RSF1: variants seen among roughly 807,000 people sequenced by gnomAD.
RSF1 encodes the protein HBV pX-associated protein 8.
Under a neutral mutation model 145.2 loss-of-function variants are expected in RSF1, and 13 were observed. The ratio of observed to expected loss-of-function variants is 0.09; its 90% CI spans 0.06 to 0.14. The LOEUF is 0.14. RSF1 is among the 10% of genes least tolerant of loss of function. RSF1 has a pLI of 1.00. For synonymous variants in RSF1, 577 were observed against 592.6 expected, an observed-to-expected ratio of 0.97 and a Z score of 0.38; for missense variants, 1,517 against 1,718.2, an observed-to-expected ratio of 0.88 and a Z score of 2.07.
chr11:77,791,592 C>T (rs767948549), intron 1 of RSF1, among the ~76,000 whole-genome samples: 19 of 152,094 alleles, frequency 1.2e-4, no homozygotes, highest in Non-Finnish European at 5.9e-5. Flanking sequence ...TTAATAGCAC[C>T]CAAGTTACAT....
chr11:77,819,024 T>G (rs1233069352), intron 1 of RSF1, among the ~76,000 whole-genome samples: 1 of 152,230 alleles, frequency 6.6e-6, no homozygotes, highest in Non-Finnish European at 1.5e-5. Flanking sequence ...CTGTATTAAT[T>G]TGAGTCTTCG....
chr11:77,749,984 C>T (rs183789546), intron 2 of RSF1, among the ~76,000 whole-genome samples: 10 of 152,104 alleles, frequency 6.6e-5, no homozygotes, highest in East Asian at 1.9e-4. Flanking sequence ...CCTGACCTTG[C>T]GATTCGCCTG....
rs1423228639 is a variant in RSF1, at chr11:77,664,059, G to A, written c.*2858C>T. 2 of 152,138 alleles carry A rather than the reference G, an allele frequency of 1.3e-5. No homozygotes were observed. The highest frequency in any genetic ancestry group is 1.3e-4 in the Admixed American group (2 of 15,252). 9.4% of individuals were successfully genotyped at this position (152,138 alleles called of 1,614,324 possible). On this transcript the variant is annotated 3_prime_UTR_variant, in exon 16 of 16. Coordinates refer to ENST00000308488, the MANE Select transcript of RSF1 (RefSeq NM_016578.4). ...TTTCCTATACTTTCTGCAGTTCGTA[G>A]TGACTGTATTGTCTTTGTATACAGA...
At chr11:77,800,815 T>C (rs900393870) in intron 1 of RSF1, among the ~76,000 whole-genome samples, 16 of 152,296 alleles carry the variant, frequency 1.1e-4, no homozygotes, top group African/African-American at 2.2e-4. Flanking sequence ...GGAGGTATGA[T>C]TGCACCACTG....
the RSF1 span, chr11:77,868,704 T>G: frequency 4.8e-6 from 1 of 207,560 alleles, no homozygotes; most frequent in African/African-American, 2.4e-5. Flanking sequence ...TGTTGTTTTT[T>G]AACACAAATT....
chr11:77,785,660 A>G (rs1358646306), intron 1 of RSF1, among the ~76,000 whole-genome samples: 2 of 152,028 alleles, frequency 1.3e-5, no homozygotes, highest in Non-Finnish European at 2.9e-5. Context: ...AATTTTTAAA[A>G]GAGCAAATTG....
rs369103879 is a variant in RSF1, at chr11:77,750,451, C to G, written c.280-3323G>C. 4.4e-4 allele frequency among the ~76,000 whole-genome samples: 67 copies of G among 152,322 alleles called. 1 individual carries two copies. The South Asian group carries it at 0.013, about 30-fold the overall frequency. On this transcript the variant is annotated intron_variant, in intron 2 of 15. Transcript: ENST00000308488. ...AAATTTGAATTTCATAGAATTTTTA[C>G]ATGTCACCAAATATTATTCTTCTTT...
chr11:77,755,966 G>T (rs1206745212), intron 2 of RSF1, among the ~76,000 whole-genome samples: 1 of 152,092 alleles, frequency 6.6e-6, no homozygotes, highest in African/African-American at 2.4e-5. Context: ...AAACAAACAT[G>T]ATGAGTATAT....
At chr11:77,861,933 C>T in the RSF1 span, among the ~76,000 whole-genome samples, 2 of 152,154 alleles carry the variant, frequency 1.3e-5, no homozygotes, top group Non-Finnish European at 2.9e-5. Flanking sequence ...TAAACCTATC[C>T]TTTAAGATTA....
upstream of RSF1, among the ~76,000 whole-genome samples, chr11:77,823,267 T>C (rs1037040303): frequency 2.0e-5 from 3 of 151,168 alleles, no homozygotes; most frequent in South Asian, 4.2e-4. Context: ...AAAATATCTT[T>C]ATGGTTATGA....
chr11:77,663,434 C>T lies in RSF1; in HGVS notation c.*3483G>A, dbSNP rs1757549162. On this transcript the variant is annotated 3_prime_UTR_variant, in exon 16 of 16. Coordinates refer to ENST00000308488, the MANE Select transcript of RSF1 (RefSeq NM_016578.4). ...AGTAAAAACTGGGTACGTGTAACACCCTTTTAAAATTAATTTGTTTAAAAA... is the reference window on the plus strand; with the variant it reads ...AGTAAAAACTGGGTACGTGTAACACTCTTTTAAAATTAATTTGTTTAAAAA... The T allele has an allele frequency of 6.6e-6, 1 of 151,904 alleles. No individual in the cohort carries two copies. Among genetic ancestry groups the T allele is most frequent in the Non-Finnish European group, 1.5e-5 (1 of 67,972 alleles). The allele number at this position is 151,904 out of a possible 1,614,324, so 9.4% of individuals were successfully genotyped here.
intron 3 of RSF1, among the ~76,000 whole-genome samples, chr11:77,741,642 A>C (rs1947940296): frequency 6.6e-6 from 1 of 152,182 alleles, no homozygotes; most frequent in Non-Finnish European, 1.5e-5. Context: ...ATATGTGTAT[A>C]GTGTGGAATG....
chr11:77,804,413 G>A (rs950215817), intron 1 of RSF1, among the ~76,000 whole-genome samples: 3 of 152,186 alleles, frequency 2.0e-5, no homozygotes, highest in Non-Finnish European at 2.9e-5. Context: ...CATGTGAAAT[G>A]GGGACAGTCT....
chr11:77,724,814 G>T (rs1326378901), intron 5 of RSF1, among the ~76,000 whole-genome samples: 4 of 152,142 alleles, frequency 2.6e-5, no homozygotes, highest in Admixed American at 2.6e-4. Context: ...GGTGGAGCTT[G>T]GGCGGTAATG....
At chr11:77,742,238 C>T (rs1228618980) in intron 3 of RSF1, among the ~76,000 whole-genome samples, 2 of 152,102 alleles carry the variant, frequency 1.3e-5, no homozygotes, top group Non-Finnish European at 2.9e-5. Context: ...TCCATAATAG[C>T]CGAACTAATT....
chr11:77,842,413 CT>C, the RSF1 span: 1 of 1,447,166 alleles, frequency 6.9e-7, no homozygotes, highest in Non-Finnish European at 9.4e-7. Flanking sequence ...CTTAGTATCA[CT>C]GTATTTTCAA....
intron 5 of RSF1, chr11:77,703,142 A>G (rs1960464752): frequency 6.6e-6 from 1 of 152,212 alleles, no homozygotes; most frequent in Admixed American, 6.5e-5. Context: ...TAATAATTAT[A>G]TAACATTCCT....
At chr11:77,783,293 T>C (rs963217876) in intron 1 of RSF1, among the ~76,000 whole-genome samples, 3 of 152,344 alleles carry the variant, frequency 2.0e-5, no homozygotes, top group Admixed American at 2.0e-4. Flanking sequence ...AAATGGCTAA[T>C]TACCTTTTAA....
upstream of RSF1, chr11:77,821,251 CG>C (rs375849077): frequency 3.1e-3 from 711 of 228,862 alleles, 5 homozygotes; most frequent in African/African-American, 0.015. Context: ...GGTGAGTTTG[CG>C]GGGGAATCCT....
Sources: gnomAD v4.1 joint callset for allele counts (sites outside exome capture counted in the v4.1 genomes callset) on GRCh38, gnomAD v4.1.1 for gene constraint, MANE v1.5 for transcripts, NCBI Gene and HGNC (gene_info 2026-07-23, HGNC 2026-07-21) for gene names.